GSK3B: variants seen among roughly 807,000 people sequenced by gnomAD.
GSK3B encodes glycogen synthase kinase-3 beta.
A neutral mutation model predicts 56.4 loss-of-function variants in GSK3B; 15 were observed. That is an observed-to-expected ratio of 0.27 (90% CI 0.18 to 0.41). GSK3B has a LOEUF of 0.41. Among genes scored for constraint, GSK3B ranks in the 10% least tolerant of loss-of-function variants. The probability of loss-of-function intolerance (pLI) is 1.00; values close to 1 mark genes in which losing one functional copy is unlikely to be tolerated. For missense variants in GSK3B, 300 were observed against 513.4 expected, an observed-to-expected ratio of 0.58 and a Z score of 4.02; for synonymous variants, 181 against 188.9, an observed-to-expected ratio of 0.96 and a Z score of 0.34.
chr3:119,896,762 G>A (rs1238804914), intron 7 of GSK3B, among the ~76,000 whole-genome samples: 4 of 152,078 alleles, frequency 2.6e-5, no homozygotes, highest in Non-Finnish European at 4.4e-5. Context: ...GAAGTCAGGG[G>A]TCTAGCATAT....
intron 1 of GSK3B, chr3:120,029,639 C>T: frequency 1.8e-6 from 1 of 549,250 alleles, no homozygotes; most frequent in Admixed American, 2.1e-5. Flanking sequence ...TTCAGATGTT[C>T]ACATTCATAG....
chr3:120,008,790 T>C (rs981040670), intron 1 of GSK3B, among the ~76,000 whole-genome samples: 5 of 152,174 alleles, frequency 3.3e-5, no homozygotes, highest in Admixed American at 2.0e-4. Flanking sequence ...ATTCAGGACA[T>C]AGGCATGGGC....
chr3:120,044,150 A>G (rs530017454), intron 1 of GSK3B, among the ~76,000 whole-genome samples: 5 of 152,314 alleles, frequency 3.3e-5, no homozygotes, highest in South Asian at 2.1e-4. Flanking sequence ...GGAGTAATAA[A>G]TCATGCCAAG....
At chr3:119,873,466 T>C (rs979138447) in intron 8 of GSK3B, among the ~76,000 whole-genome samples, 2 of 152,078 alleles carry the variant, frequency 1.3e-5, no homozygotes, top group African/African-American at 4.8e-5. Flanking sequence ...AAAGGTAAAG[T>C]GGTTCCTGTT....
At chr3:119,947,991 G>T (rs2057116971) in intron 2 of GSK3B, among the ~76,000 whole-genome samples, 1 of 151,780 alleles carries the variant, frequency 6.6e-6, no homozygotes. Context: ...TTCAAAAAAA[G>T]AAATCACTAA....
chr3:119,945,225 C>A (rs985358632), intron 3 of GSK3B, among the ~76,000 whole-genome samples: 1 of 152,136 alleles, frequency 6.6e-6, no homozygotes, highest in Non-Finnish European at 1.5e-5. Flanking sequence ...TTATTTTCAG[C>A]AATATATCAC....
At chr3:120,012,812 T>TAG (rs1178385934) in intron 1 of GSK3B, among the ~76,000 whole-genome samples, 2 of 152,142 alleles carry the variant, frequency 1.3e-5, no homozygotes, top group East Asian at 3.9e-4. Context: ...TAGTTAACAC[T>TAG]AGAGGCACAA....
Position 119,854,380 on chromosome 3 carries a change from C to G in GSK3B, c.1096+9039G>C, listed in dbSNP as rs141959035. Among the ~76,000 whole-genome samples the G allele has an allele frequency of 1.1e-3, 166 of 152,210 alleles. 3 individuals are homozygous for G. In the East Asian group the frequency reaches 0.029, roughly 26 times the overall value. On this transcript the variant is annotated intron_variant, in intron 9 of 10. Transcript: ENST00000264235. ...ATCAGGGATATTGGTCTAAAATTCT[C>G]TTTTTTTGTTGTGTCTCTGCCAGGC...
intron 1 of GSK3B, among the ~76,000 whole-genome samples, chr3:120,069,146 T>C (rs334566): frequency 0.21 from 32,536 of 152,138 alleles, 3,756 homozygotes; most frequent in African/African-American, 0.3. Context: ...CCTCTAAAAA[T>C]GTCCTGACAG....
intron 1 of GSK3B, among the ~76,000 whole-genome samples, chr3:120,065,449 AT>A (rs1052061538): frequency 6.6e-6 from 1 of 152,178 alleles, no homozygotes; most frequent in African/African-American, 2.4e-5. Flanking sequence ...GATAGCAATA[AT>A]CAAAAAATAG....
chr3:120,074,678 C>G (rs1470693417), intron 1 of GSK3B, among the ~76,000 whole-genome samples: 1 of 151,860 alleles, frequency 6.6e-6, no homozygotes, highest in Non-Finnish European at 1.5e-5. Context: ...AAAAGAATAC[C>G]TAAAAAAGTA....
chr3:119,837,993 T>C (rs1032359882), intron 10 of GSK3B, among the ~76,000 whole-genome samples: 1 of 148,506 alleles, frequency 6.7e-6, no homozygotes, highest in Admixed American at 6.8e-5. Context: ...TAAGAAATTA[T>C]ACTATGAATT....
At chr3:120,020,689 G>A (rs2057868983) in intron 1 of GSK3B, among the ~76,000 whole-genome samples, 1 of 152,092 alleles carries the variant, frequency 6.6e-6, no homozygotes, top group Non-Finnish European at 1.5e-5. Flanking sequence ...GCCTCTAAGT[G>A]TTCAAGTGAG....
chr3:119,847,739 AAT>A (rs2055874877), intron 9 of GSK3B, among the ~76,000 whole-genome samples: 1 of 152,224 alleles, frequency 6.6e-6, no homozygotes, highest in South Asian at 2.1e-4. Flanking sequence ...CATTGATTTA[AAT>A]ATATTAGGTT....
At chr3:119,906,541 C>T (rs777869170) in intron 6 of GSK3B, among the ~76,000 whole-genome samples, 1 of 151,982 alleles carries the variant, frequency 6.6e-6, no homozygotes, top group Non-Finnish European at 1.5e-5. Context: ...TCCTGGTTTA[C>T]CCAGGATAGT....
chr3:119,890,840 A>G (rs1213976907), intron 7 of GSK3B, among the ~76,000 whole-genome samples: 1 of 152,042 alleles, frequency 6.6e-6, no homozygotes, highest in Non-Finnish European at 1.5e-5. Context: ...TTATAAGGCT[A>G]GCATTAAAAG....
At chr3:119,955,465 A>G (rs1184801030) in intron 2 of GSK3B, among the ~76,000 whole-genome samples, 1 of 152,196 alleles carries the variant, frequency 6.6e-6, no homozygotes, top group Non-Finnish European at 1.5e-5. Context: ...ACCAACAACT[A>G]TAACACAATG....
At chr3:120,035,208 T>C (rs2058012185) in intron 1 of GSK3B, among the ~76,000 whole-genome samples, 1 of 152,006 alleles carries the variant, frequency 6.6e-6, no homozygotes, top group African/African-American at 2.4e-5. Flanking sequence ...GCAAATAATA[T>C]GAAGACACAC....
Position 119,822,017 on chromosome 3 carries a change from T to C in GSK3B, c.*4771A>G, listed in dbSNP as rs899386693. On this transcript the variant is annotated 3_prime_UTR_variant, in exon 11 of 11. Transcript: ENST00000264235. ...TGCAAATTACAGTACCAGTTAACTA[T>C]TTCCAAACCAAGTCACATAGAACAA... 5.2e-6 allele frequency: 1 copy of C among 192,470 alleles called. No homozygotes were observed. Among genetic ancestry groups the C allele is most frequent in the African/African-American group, 2.3e-5 (1 of 43,086 alleles). 11.9% of individuals were successfully genotyped at this position (192,470 alleles called of 1,614,324 possible). A position where few individuals can be genotyped will look rare whatever the true frequency, so the allele number is the denominator to read the frequency against.
Sources: gnomAD v4.1 joint callset for allele counts (sites outside exome capture counted in the v4.1 genomes callset) on GRCh38, gnomAD v4.1.1 for gene constraint, MANE v1.5 for transcripts, NCBI Gene and HGNC (gene_info 2026-07-23, HGNC 2026-07-21) for gene names.